Variants in ZNF512B observed in about 807,000 individuals in gnomAD.
ZNF512B encodes zinc finger protein 512B.
ZNF512B carries 22 observed loss-of-function variants against 87.8 expected under a neutral mutation model. That is an observed-to-expected ratio of 0.25 (90% CI 0.18 to 0.36). The LOEUF (loss-of-function observed/expected upper bound fraction) is 0.36, where lower values mean the gene tolerates loss of function less well. Among genes scored for constraint, ZNF512B ranks in the 10% least tolerant of loss-of-function variants. ZNF512B has a pLI of 1.00. For missense variants in ZNF512B, 1,060 were observed against 1,231.6 expected, an observed-to-expected ratio of 0.86 and a Z score of 2.09; for synonymous variants, 524 against 490.9, an observed-to-expected ratio of 1.07 and a Z score of -0.89.
At position 63,961,485 on chromosome 20, in the gene ZNF512B, G is replaced by T; in HGVS notation, c.2329-78C>A. ...CCTAAGCCCCTACTCATGGCTAAAG[G>T]GTCAGAGTCAGCGGTGGCCCAAGGA... On this transcript the variant is annotated intron_variant, in intron 15 of 16. Transcript: ENST00000369888. This position sits in a 1 kb window ranked among gnomAD's most constrained non-coding sequence, Gnocchi z 6.4. 2 of 1,393,510 alleles carry T rather than the reference G, an allele frequency of 1.4e-6. No homozygotes were observed. Among genetic ancestry groups the T allele is most frequent in the Non-Finnish European group, 2.0e-6 (2 of 994,030 alleles). The allele number at this position is 1,393,510 out of a possible 1,614,324, so 86.3% of individuals were successfully genotyped here. A position where few individuals can be genotyped will look rare whatever the true frequency, so the allele number is the denominator to read the frequency against.
Position 63,958,219 on chromosome 20 carries a change from G to T in ZNF512B, c.*1669C>A, listed in dbSNP as rs2058804890. ...GGCCCCTTCTCCCTGGGGAATGGGG[G>T]AGGGTGGGTGCTGGGGGCAGAGGCA... On this transcript the variant is annotated 3_prime_UTR_variant, in exon 17 of 17. Coordinates refer to ENST00000369888, the MANE Select transcript of ZNF512B (RefSeq NM_020713.3). 1.3e-5 allele frequency: 2 copies of T among 152,304 alleles called. No individual in the cohort carries two copies. Among genetic ancestry groups the T allele is most frequent in the Admixed American group, 6.5e-5 (1 of 15,268 alleles). The allele number at this position is 152,304 out of a possible 1,614,324, so 9.4% of individuals were successfully genotyped here.
chr20:63,959,722 G>A lies in ZNF512B; in HGVS notation c.*166C>T, dbSNP rs1013732402. 2 of 1,121,448 alleles carry A rather than the reference G, an allele frequency of 1.8e-6. No homozygotes were observed. The highest frequency in any genetic ancestry group is 1.7e-5 in the South Asian group (1 of 58,596). The allele number at this position is 1,121,448 out of a possible 1,614,324, so 69.5% of individuals were successfully genotyped here. A position where few individuals can be genotyped will look rare whatever the true frequency, so the allele number is the denominator to read the frequency against. ...GTGCCCTGTGGCAGCCTTAACAGGGGAAGGGCCACCTTCAGGGAAGGGAGA... is the reference window on the plus strand; with the variant it reads ...GTGCCCTGTGGCAGCCTTAACAGGGAAAGGGCCACCTTCAGGGAAGGGAGA... On this transcript the variant is annotated 3_prime_UTR_variant, in exon 17 of 17. Transcript: ENST00000369888.
In ZNF512B at chr20:63,967,451, G is replaced by T. The variant is rs759389359; in HGVS notation, c.194C>A (p.Ala65Asp). ...APLCFDPGSP[A>D]SDKTEGKKKG... ...TTTCTTCCCTTCTGTCTTGTCACTG[G>T]CTGGACTTCCCGGGTCAAAGCAGAG... The change falls in exon 3 of 17, where the codon GCC becomes GAC. Residue 65 changes from alanine to aspartate, a missense_variant. This residue lies in a region of ZNF512B where 134 missense variants were observed against 153.6 expected (regional missense o/e 0.87). Transcript: ENST00000369888. 6 of 1,613,218 alleles carry T rather than the reference G, an allele frequency of 3.7e-6. No homozygotes were observed. The highest frequency in any genetic ancestry group is 1.7e-5 in the Admixed American group (1 of 59,980).
At chr20:63,967,075 C>G in intron 3 of ZNF512B, 71 bp from the exon 4 acceptor site, 1 of 1,598,392 alleles carries the variant, frequency 6.3e-7, no homozygotes, top group Non-Finnish European at 8.5e-7. Context: ...GCCCCAGACT[C>G]AGAGCCCCCC....
At chr20:63,963,307 C>T (rs1381336992) in intron 11 of ZNF512B, 35 bp downstream of exon 11, 3 of 1,537,018 alleles carry the variant, frequency 2.0e-6, no homozygotes, top group Non-Finnish European at 2.6e-6. Context: ...CCAGCAGGGC[C>T]CCCCCACCCC....
Position 63,964,184 on chromosome 20 carries a change from T to C in ZNF512B, c.1367A>G (p.His456Arg). 6.3e-7 allele frequency: 1 copy of C among 1,598,360 alleles called. No homozygotes were observed. Among genetic ancestry groups the C allele is most frequent in the South Asian group, 1.1e-5 (1 of 89,028 alleles). ...LVKAEDKARV[H>R]RSKKQEGPGP... is the part of the protein sequence containing the mutation. ...TGGCCCCTCCTGCTTCTTGGAGCGG[T>C]GAACTCGGGCCTTGTCCTCAGCTTT... Residue 456 changes from histidine to arginine, a missense_variant, in exon 8 of 17, where the codon CAC becomes CGC. By Grantham distance (29) the His-to-Arg change is conservative. Coordinates refer to ENST00000369888, the MANE Select transcript of ZNF512B (RefSeq NM_020713.3).
rs1285213644 is a variant in ZNF512B at position 63,963,084 on chromosome 20, G to A, written c.1968+11C>T. 5 of 1,546,014 alleles carry A rather than the reference G, an allele frequency of 3.2e-6. No homozygotes were observed. The highest frequency in any genetic ancestry group is 3.7e-5 in the Admixed American group (2 of 53,726). On this transcript the variant is annotated intron_variant, in intron 12 of 16. Transcript: ENST00000369888. ...AACAAGCACTGTGCCACAGAACAGA[G>A]AGCCACTCACGGGGGCCGTGTGCTC... is the stretch of plus-strand genomic sequence containing the variant.
At position 63,958,405 on chromosome 20, in the gene ZNF512B, GGTT is replaced by G. The variant is rs2058816306; in HGVS notation, c.*1480_*1482del. The stretch of plus-strand genomic sequence containing the variant: ...TGTATAAAAAACAATTTAAAAAAAA[GGTT>G]GTTACTTGTCACAGCAACAAGACTG... On this transcript the variant is annotated 3_prime_UTR_variant, in exon 17 of 17. Transcript: ENST00000369888. The G allele has an allele frequency of 6.6e-6, 1 of 152,404 alleles. No homozygotes were observed. The highest frequency in any genetic ancestry group is 1.5e-5 in the Non-Finnish European group (1 of 68,054). 9.4% of individuals were successfully genotyped at this position (152,404 alleles called of 1,614,324 possible). A position where few individuals can be genotyped will look rare whatever the true frequency, so the allele number is the denominator to read the frequency against.
At chr20:63,962,191 C>A in intron 14 of ZNF512B, 82 bp downstream of exon 14, 1 of 1,458,222 alleles carries the variant, frequency 6.9e-7, no homozygotes, top group Non-Finnish European at 9.3e-7. Flanking sequence ...AGCTCTCAGC[C>A]TCTGTTCCTG....
chr20:63,968,967 G>T (rs922363119), intron 1 of ZNF512B, among the ~76,000 whole-genome samples: 2 of 152,236 alleles, frequency 1.3e-5, no homozygotes, highest in African/African-American at 4.8e-5. Flanking sequence ...TGGGCAGGTG[G>T]CCCCCTCCTG....
In ZNF512B at chr20:63,963,361, C is replaced by T. The variant is rs762442489; in HGVS notation, c.1778G>A (p.Arg593Gln). The change falls in exon 11 of 17, where the codon CGG becomes CAG. Residue 593 changes from arginine (R) to glutamine (Q), a missense_variant. Arg to Gln is a conservative substitution (Grantham distance 43). Coordinates refer to ENST00000369888, the MANE Select transcript of ZNF512B (RefSeq NM_020713.3). ...RLRKVLKQMG[R>Q]LRCPQEGCGA... ...ACTGACCTCCTGGGGGCAGCGCAGC[C>T]GTCCCATCTGCTTCAGCACCTTGCG... 12 of 1,544,626 alleles carry T rather than the reference C, an allele frequency of 7.8e-6. No individual in the cohort carries two copies. The highest frequency in any genetic ancestry group is 4.1e-5 in the African/African-American group (3 of 73,288).
At position 63,961,858 on chromosome 20, in the gene ZNF512B, A is replaced by G; in HGVS notation, c.2328+84T>C. Reference sequence around the variant, plus strand: ...AGTAGGGGACAAGGCAGGGTCCCTCACTACTGTGTGGGAAGCCCGCGTGGG... The same window carrying G: ...AGTAGGGGACAAGGCAGGGTCCCTCGCTACTGTGTGGGAAGCCCGCGTGGG... On this transcript the variant is annotated intron_variant, in intron 15 of 16. Coordinates refer to ENST00000369888, the MANE Select transcript of ZNF512B (RefSeq NM_020713.3). The surrounding 1 kb of genome is among the most constrained non-coding windows in gnomAD (Gnocchi z 6.4). The G allele has an allele frequency of 7.1e-7, 1 of 1,402,578 alleles. No homozygotes were observed. Among genetic ancestry groups the G allele is most frequent in the Non-Finnish European group, 9.9e-7 (1 of 1,014,496 alleles). 86.9% of individuals were successfully genotyped at this position (1,402,578 alleles called of 1,614,324 possible).
In ZNF512B at chr20:63,964,641, G is replaced by A. The variant is rs563995727; in HGVS notation, c.1110C>T (p.Ser370=). 6.2e-7 allele frequency: 1 copy of A among 1,612,648 alleles called. No homozygotes were observed. Among genetic ancestry groups the A allele is most frequent in the Admixed American group, 1.7e-5 (1 of 59,994 alleles). Residue 370 remains serine, a synonymous_variant, in exon 6 of 17, where the codon TCC becomes TCT. Coordinates refer to ENST00000369888, the MANE Select transcript of ZNF512B (RefSeq NM_020713.3). ...GGAAGGCCGAGCTCTGGCCCATGGA[G>A]GAGGGGCCGTACTCCCCATTCTCTG... ...ARPENGEYGP[S]SMGQSSAFQL...
At chr20:63,964,288 C>A (rs891342636) in intron 7 of ZNF512B, 32 bp downstream of exon 7, 2 of 1,613,742 alleles carry the variant, frequency 1.2e-6, no homozygotes, top group Admixed American at 1.7e-5. Flanking sequence ...ACAGCCCCAG[C>A]CCTGGAGGTG....
At chr20:63,962,820 G>A (rs758213566) in intron 12 of ZNF512B, 39 bp from the exon 13 acceptor site, 164 of 1,541,562 alleles carry the variant, frequency 1.1e-4, no homozygotes, top group Non-Finnish European at 1.4e-4. Context: ...AGTGAGCCGC[G>A]GGAGCAAGAG....
At chr20:63,964,021 A>G in intron 8 of ZNF512B, 50 bp downstream of exon 8, 1 of 1,593,916 alleles carries the variant, frequency 6.3e-7, no homozygotes, top group Non-Finnish European at 8.5e-7. Context: ...GTGCTGTGGG[A>G]TCTACCCGCC....
intron 14 of ZNF512B, 104 bp from the exon 15 acceptor site, chr20:63,962,108 G>A: frequency 7.3e-7 from 1 of 1,378,944 alleles, no homozygotes; most frequent in Non-Finnish European, 1.0e-6. Context: ...TGGGGCAAGT[G>A]AGGGGGTGTG....
chr20:63,969,268 G>A (rs817334), intron 1 of ZNF512B: 188,630 of 834,210 alleles, frequency 0.23, 22,093 homozygotes, highest in African/African-American at 0.3. Flanking sequence ...GAATAGTGGG[G>A]CCTGAGGCCA....
At position 63,964,532 on chromosome 20, in the gene ZNF512B, G is replaced by C; in HGVS notation, c.1219C>G (p.Pro407Ala). 8.1e-6 allele frequency: 13 copies of C among 1,612,768 alleles called. No homozygotes were observed. The highest frequency in any genetic ancestry group is 1.1e-5 in the Non-Finnish European group (13 of 1,179,922). Residue 407 changes from proline (P) to alanine (A), a missense_variant, in exon 6 of 17, where the codon CCT becomes GCT. By Grantham distance (27) the Pro-to-Ala change is conservative. Coordinates refer to ENST00000369888, the MANE Select transcript of ZNF512B (RefSeq NM_020713.3). ...GGMEALKAAG[P>A]ASPPEEDPER... is the part of the protein sequence containing the mutation. ...GGGTCCTCCTCAGGCGGGGACGCAG[G>C]GCCTGCAGCCTTCAGTGCCTCCATG... is the stretch of plus-strand genomic sequence containing the variant.
Sources: allele counts gnomAD v4.1 joint callset (sites outside exome capture counted in the v4.1 genomes callset), GRCh38; gene constraint gnomAD v4.1.1; regional missense constraint gnomAD v4.1.1; non-coding constraint Gnocchi (gnomAD v3.1); transcripts MANE v1.5; gene names NCBI Gene and HGNC (gene_info 2026-07-23, HGNC 2026-07-21).